Variants in PDIA5 observed in about 807,000 individuals in gnomAD.
PDIA5 encodes protein disulfide isomerase family A member 5.
Under a neutral mutation model 77.6 loss-of-function variants are expected in PDIA5, and 58 were observed. The ratio of observed to expected loss-of-function variants is 0.75; its 90% CI spans 0.61 to 0.93. The LOEUF (loss-of-function observed/expected upper bound fraction) is 0.93, where lower values mean the gene tolerates loss of function less well. Ranked by LOEUF, PDIA5 falls within the 40% of genes least tolerant of loss-of-function variation. The pLI, the probability that PDIA5 is intolerant of heterozygous loss-of-function variation, is 0.00. For synonymous variants in PDIA5, 250 were observed against 252.1 expected (o/e 0.99, Z 0.08); for missense variants, 630 against 647.7 (o/e 0.97, Z 0.30).
intron 1 of PDIA5, among the ~76,000 whole-genome samples, chr3:123,069,039 G>C (rs189332749): frequency 1.1e-4 from 17 of 152,312 alleles, no homozygotes; most frequent in Non-Finnish European, 1.6e-4. Context: ...ACTAGAACCT[G>C]GGAGTCCTGA....
intron 11 of PDIA5, among the ~76,000 whole-genome samples, chr3:123,139,353 C>T (rs970859333): frequency 2.6e-5 from 4 of 152,188 alleles, no homozygotes; most frequent in African/African-American, 9.7e-5. Flanking sequence ...AGGAGGGTGT[C>T]TGGAAGGGAG....
intron 6 of PDIA5, among the ~76,000 whole-genome samples, chr3:123,108,630 G>A (rs1330440217): frequency 2.4e-4 from 34 of 144,246 alleles, no homozygotes; most frequent in Admixed American, 6.2e-4. Context: ...GCTCACGCCT[G>A]TAATCCCAGC....
rs190516442 is a variant in PDIA5, at chr3:123,157,932, G to C, written c.1344+2891G>C. On this transcript the variant is annotated intron_variant, in intron 15 of 16. Coordinates refer to ENST00000316218, the MANE Select transcript of PDIA5 (RefSeq NM_006810.4). ...GGTGTGCAGGCTGGGGGTGGTGTGG[G>C]GCCAGGTGTGAAGGTCACCCTTAGA... Among the ~76,000 whole-genome samples the C allele has an allele frequency of 1.3e-5, 2 of 152,310 alleles. 1 individual carries two copies. The highest frequency in any genetic ancestry group is 3.9e-4 in the East Asian group (2 of 5,160).
chr3:123,104,484 C>A (rs1321806359), intron 5 of PDIA5, among the ~76,000 whole-genome samples: 2 of 152,222 alleles, frequency 1.3e-5, no homozygotes, highest in African/African-American at 2.4e-5. Context: ...GGGCCCATCA[C>A]CTGCAGGCCC....
In PDIA5 at chr3:123,151,876, C is replaced by T. The variant is rs577205831; in HGVS notation, c.1273+1512C>T. 4.4e-4 allele frequency among the ~76,000 whole-genome samples: 64 copies of T among 146,180 alleles called. 1 individual carries two copies. In the South Asian group the frequency reaches 9.0e-3, roughly 21 times the overall value. On this transcript the variant is annotated intron_variant, in intron 14 of 16. Transcript: ENST00000316218. ...TCCTGCCCTCCTTCCTTCCTGCCCG[C>T]CTTCCTGCCTGCCTTCCTTCCTGCC...
In PDIA5 at chr3:123,097,968, G is replaced by A. The variant is rs377332944; in HGVS notation, c.258-4443G>A. On this transcript the variant is annotated intron_variant, in intron 3 of 16. Coordinates refer to ENST00000316218, the MANE Select transcript of PDIA5 (RefSeq NM_006810.4). ...TCTACCCCACCAGGAGGGGCTGAGC[G>A]TGGTCTCCCGTGGACATGAGAACCC... 4.6e-5 allele frequency among the ~76,000 whole-genome samples: 7 copies of A among 152,284 alleles called. No homozygotes were observed. In the East Asian group the frequency reaches 7.7e-4, roughly 17 times the overall value.
chr3:123,113,507 CGGA>C (rs1218972819), intron 7 of PDIA5, among the ~76,000 whole-genome samples: 1 of 152,132 alleles, frequency 6.6e-6, no homozygotes, highest in Non-Finnish European at 1.5e-5. Flanking sequence ...GGAGAAAACT[CGGA>C]GGTTAAGTTC....
rs780070098 is a variant in PDIA5 at position 123,146,146 on chromosome 3, G to T, written c.1029G>T (p.Leu343=). The T allele has an allele frequency of 6.2e-7, 1 of 1,614,048 alleles. No homozygotes were observed. Among genetic ancestry groups the T allele is most frequent in the Non-Finnish European group, 8.5e-7 (1 of 1,180,014 alleles). The change falls in exon 13 of 17, where the codon CTG becomes CTT. Residue 343 remains leucine (L), a synonymous_variant. Transcript: ENST00000316218. ...TCGATGCCACTGTCAACAAGGCCCT[G>T]GCAGAAAGATTCCACATCTCAGAGT... ...AAVDATVNKA[L]AERFHISEFP... is the part of the protein sequence containing the mutation.
chr3:123,128,541 C>A (rs1275585640), intron 10 of PDIA5, among the ~76,000 whole-genome samples: 1 of 152,018 alleles, frequency 6.6e-6, no homozygotes, highest in Non-Finnish European at 1.5e-5. Context: ...AGGTCTTGCT[C>A]TGTCACCCAG....
intron 10 of PDIA5, among the ~76,000 whole-genome samples, chr3:123,129,750 G>A (rs553408759): frequency 2.6e-5 from 4 of 152,302 alleles, no homozygotes; most frequent in South Asian, 4.1e-4. Context: ...GTCACGCTGC[G>A]GAAACAGGCT....
At chr3:123,078,851 CA>C (rs140419108) in intron 1 of PDIA5, among the ~76,000 whole-genome samples, 372 of 152,266 alleles carry the variant, frequency 2.4e-3, no homozygotes, top group African/African-American at 8.6e-3. Context: ...TGCATTATAT[CA>C]GGGGGCACCT....
intron 2 of PDIA5, 38 bp from the exon 3 acceptor site, chr3:123,092,317 T>C (rs539793333): frequency 5.2e-6 from 8 of 1,535,034 alleles, no homozygotes; most frequent in Non-Finnish European, 6.3e-6. Context: ...CCAGTGCCCT[T>C]GGTCACAGAT....
intron 11 of PDIA5, among the ~76,000 whole-genome samples, chr3:123,143,559 G>A (rs1169572788): frequency 6.6e-6 from 1 of 152,078 alleles, no homozygotes; most frequent in African/African-American, 2.4e-5. Flanking sequence ...CATCATGTGT[G>A]CCACTCTATT....
chr3:123,151,987 GCCTTCCTGCCTT>G (rs1203361104), intron 14 of PDIA5, among the ~76,000 whole-genome samples: 2 of 104,064 alleles, frequency 1.9e-5, no homozygotes, highest in African/African-American at 1.0e-4. Context: ...CTTCCTTCCT[GCCTTCCTGCCTT>G]CCTTCCTTCC....
chr3:123,084,282 C>G (rs1323229575), intron 1 of PDIA5, among the ~76,000 whole-genome samples: 1 of 152,168 alleles, frequency 6.6e-6, no homozygotes, highest in Non-Finnish European at 1.5e-5. Context: ...ACTTTCTCTC[C>G]TCTGCAGCCT....
At chr3:123,072,623 T>G (rs868191772) in intron 1 of PDIA5, among the ~76,000 whole-genome samples, 3 of 151,888 alleles carry the variant, frequency 2.0e-5, no homozygotes, top group African/African-American at 7.2e-5. Context: ...GTAGGGGGGG[T>G]GGTGCAGAAG....
intron 8 of PDIA5, among the ~76,000 whole-genome samples, chr3:123,119,981 G>A (rs1425678618): frequency 6.6e-6 from 1 of 152,178 alleles, no homozygotes; most frequent in Non-Finnish European, 1.5e-5. Context: ...TGCCTCTTTT[G>A]TGCTGTCATT....
intron 10 of PDIA5, among the ~76,000 whole-genome samples, chr3:123,129,535 G>A (rs963425843): frequency 7.2e-5 from 11 of 152,202 alleles, no homozygotes; most frequent in Admixed American, 3.9e-4. Flanking sequence ...TCAAAAGTGC[G>A]ACACAATGGT....
At chr3:123,151,769 T>TG (rs1187466642) in intron 14 of PDIA5, among the ~76,000 whole-genome samples, 84 of 138,282 alleles carry the variant, frequency 6.1e-4, no homozygotes, top group African/African-American at 1.6e-3. Flanking sequence ...CCTGCCTGCC[T>TG]GCCTGCCTGC....
Sources: gnomAD v4.1 joint callset for allele counts (sites outside exome capture counted in the v4.1 genomes callset) on GRCh38, gnomAD v4.1.1 for gene constraint, MANE v1.5 for transcripts, NCBI Gene and HGNC (gene_info 2026-07-23, HGNC 2026-07-21) for gene names.